DICER1: variants seen among roughly 807,000 people sequenced by gnomAD.
DICER1 encodes the protein endoribonuclease Dicer.
In DICER1, 43 loss-of-function variants were observed where a neutral mutation model predicts 194.1. That is an observed-to-expected ratio of 0.22 (90% CI 0.17 to 0.29). DICER1 has a LOEUF of 0.29. Among genes scored for constraint, DICER1 ranks in the 10% least tolerant of loss-of-function variants. The probability of loss-of-function intolerance (pLI) is 1.00; values close to 1 mark genes in which losing one functional copy is unlikely to be tolerated. For missense variants in DICER1, 1,608 were observed against 2,317.0 expected (o/e 0.69, Z 6.28); for synonymous variants, 832 against 820.5 (o/e 1.01, Z -0.24).
chr14:95,094,291 T>G, intron 23 of DICER1, 135 bp from the exon 24 acceptor site: 1 of 1,131,548 alleles, frequency 8.8e-7, no homozygotes, highest in Non-Finnish European at 1.3e-6. Context: ...AAAAAGGATA[T>G]CTGACATATC....
rs748384175 is a variant in DICER1, at chr14:95,116,695, C to T, written c.1510G>A (p.Val504Ile). The T allele has an allele frequency of 6.2e-7, 1 of 1,612,158 alleles. No individual in the cohort carries two copies. The highest frequency in any genetic ancestry group is 1.1e-5 in the South Asian group (1 of 90,878). ...MEAEFRKQEE[V>I]LRKFRAHETN... is the part of the protein sequence containing the mutation. ...TCATGTGCTCGAAATTTCCTAAGTA[C>T]CTGAAAAAAAAAATCCACCAAGAAA... The change falls in exon 10 of 27, where the codon GTA (valine) becomes ATA (isoleucine). Residue 504 changes from valine (V) to isoleucine (I), a missense_variant and splice_region_variant. Coordinates refer to ENST00000343455, the MANE Select transcript of DICER1 (RefSeq NM_177438.3).
Position 95,127,243 on chromosome 14 carries a change from C to CT in DICER1, c.735-496dup, listed in dbSNP as rs1367427183. 1.4e-4 allele frequency among the ~76,000 whole-genome samples: 22 copies of CT among 152,330 alleles called. No individual in the cohort carries two copies. The East Asian group carries it at 4.2e-3, about 29-fold the overall frequency. On this transcript the variant is annotated intron_variant, in intron 6 of 26. Transcript: ENST00000343455. Reference sequence around the variant, plus strand: ...TTTTGTTTCATTTCTAAAAAACTCACTACAGCATTATGATCCATTTATAGG... The same window carrying CT: ...TTTTGTTTCATTTCTAAAAAACTCACTTACAGCATTATGATCCATTTATAGG...
In DICER1 at chr14:95,094,204, A is replaced by G. The variant is rs763840142; in HGVS notation, c.5096-48T>C. 3.2e-5 allele frequency: 51 copies of G among 1,609,806 alleles called. No individual in the cohort carries two copies. Among genetic ancestry groups the G allele is most frequent in the Non-Finnish European group, 3.8e-5 (45 of 1,176,784 alleles). On this transcript the variant is annotated intron_variant, in intron 23 of 26. Coordinates refer to ENST00000343455, the MANE Select transcript of DICER1 (RefSeq NM_177438.3). ...CGTAAGCTTGTGCAGAAGCATTTAC[A>G]CTATCCCCACATAGCAACTGATCCC...
At chr14:95,102,256 C>T (rs9323921) in intron 21 of DICER1, among the ~76,000 whole-genome samples, 4,189 of 152,244 alleles carry the variant, frequency 0.028, 189 homozygotes, top group African/African-American at 0.095. Flanking sequence ...CCATTCTCTG[C>T]TTCTGCTGTT....
chr14:95,109,959 C>CATA (rs1323776776), intron 14 of DICER1, among the ~76,000 whole-genome samples: 1 of 152,166 alleles, frequency 6.6e-6, no homozygotes, highest in East Asian at 1.9e-4. Flanking sequence ...CTTAAACTAT[C>CATA]ATAAATATGT....
chr14:95,157,934 C>T (rs1595526836), upstream of DICER1: 1 of 152,238 alleles, frequency 6.6e-6, no homozygotes, highest in Non-Finnish European at 1.5e-5. Flanking sequence ...AAAGTACCTT[C>T]CCACTCGCCT....
At chr14:95,144,159 T>C (rs1031891140) in intron 1 of DICER1, among the ~76,000 whole-genome samples, 6 of 152,176 alleles carry the variant, frequency 3.9e-5, no homozygotes, top group African/African-American at 7.2e-5. Flanking sequence ...TACTTATATA[T>C]ACATATAAAC....
Position 95,124,742 on chromosome 14 carries a change from G to A in DICER1, c.904-74C>T. On this transcript the variant is annotated intron_variant, in intron 7 of 26. Coordinates refer to ENST00000343455, the MANE Select transcript of DICER1 (RefSeq NM_177438.3). The surrounding 1 kb of genome is among the most constrained non-coding windows in gnomAD (Gnocchi z 4.5). The stretch of plus-strand genomic sequence containing the variant: ...AGCATTTTCATGTGGGGTTTAACTG[G>A]GATTTCAGTTGTTCTCAAATGGCTC... The A allele has an allele frequency of 7.8e-7, 1 of 1,275,712 alleles. No individual in the cohort carries two copies. Among genetic ancestry groups the A allele is most frequent in the Non-Finnish European group, 1.1e-6 (1 of 884,998 alleles). The allele number at this position is 1,275,712 out of a possible 1,614,324, so 79.0% of individuals were successfully genotyped here.
chr14:95,126,779 C>A, intron 6 of DICER1, 31 bp from the exon 7 acceptor site: 1 of 1,416,844 alleles, frequency 7.1e-7, no homozygotes, highest in Non-Finnish European at 9.8e-7. Context: ...GGTATCAATA[C>A]TGCAGTAGTG....
At chr14:95,149,777 G>A (rs1895392067) in intron 1 of DICER1, among the ~76,000 whole-genome samples, 1 of 152,138 alleles carries the variant, frequency 6.6e-6, no homozygotes, top group African/African-American at 2.4e-5. Context: ...AAGCTTTATT[G>A]ATCTTAACTA....
chr14:95,155,325 C>G (rs1230211925), intron 1 of DICER1, among the ~76,000 whole-genome samples: 1 of 152,166 alleles, frequency 6.6e-6, no homozygotes, highest in African/African-American at 2.4e-5. Context: ...AGACTGTCTA[C>G]GAAATATCTA....
At chr14:95,126,109 G>A (rs1893436527) in intron 7 of DICER1, among the ~76,000 whole-genome samples, 1 of 152,152 alleles carries the variant, frequency 6.6e-6, no homozygotes, top group African/African-American at 2.4e-5. Context: ...ATTCAGTCCT[G>A]AGGACCCCAC....
At chr14:95,152,827 A>G (rs937365224) in intron 1 of DICER1, among the ~76,000 whole-genome samples, 5 of 152,250 alleles carry the variant, frequency 3.3e-5, no homozygotes, top group Middle Eastern at 3.2e-3. Context: ...CACCAGCTAC[A>G]TCTCAAAAAT....
rs556681163 is a variant in DICER1, at chr14:95,132,964, A to G, written c.145-287T>C. Among the ~76,000 whole-genome samples the G allele has an allele frequency of 2.3e-3, 352 of 152,332 alleles. 2 individuals carry two copies. Among genetic ancestry groups the G allele is most frequent in the African/African-American group, 8.2e-3 (342 of 41,572 alleles). ...ATACTTCTTTAGAATAACATGAATG[A>G]CTAAACTTAGAGTAATCGTGGTTCT... is the stretch of plus-strand genomic sequence containing the variant. On this transcript the variant is annotated intron_variant, in intron 2 of 26. Coordinates refer to ENST00000343455, the MANE Select transcript of DICER1 (RefSeq NM_177438.3).
intron 1 of DICER1, among the ~76,000 whole-genome samples, chr14:95,143,482 A>T (rs58374186): frequency 0.03 from 4,539 of 152,216 alleles, 252 homozygotes; most frequent in African/African-American, 0.1. Flanking sequence ...CCATCTCTGA[A>T]ATGGGAAATA....
intron 9 of DICER1, 116 bp downstream of exon 9, chr14:95,117,506 T>C (rs1256600346): frequency 6.3e-6 from 7 of 1,116,202 alleles, no homozygotes; most frequent in South Asian, 1.3e-5. Flanking sequence ...AAGTATTCTA[T>C]AATACAAAAA....
At position 95,099,750 on chromosome 14, in the gene DICER1, ACACACACACACACACACAC is replaced by A. The variant is rs1566761000; in HGVS notation, c.4206+11_4206+29del. On this transcript the variant is annotated intron_variant, in intron 22 of 26. Coordinates refer to ENST00000343455, the MANE Select transcript of DICER1 (RefSeq NM_177438.3). ...TCCAGTTACACACACACACACACAC[ACACACACACACACACACAC>A]ACAAACTTACCATTTCATCTTTTTC... 2 of 1,605,750 alleles carry A rather than the reference ACACACACACACACACACAC, an allele frequency of 1.2e-6. No individual in the cohort carries two copies. The highest frequency in any genetic ancestry group is 2.7e-5 in the African/African-American group (2 of 74,268).
intron 21 of DICER1, 23 bp from the exon 22 acceptor site, chr14:95,099,958 A>T (rs1890732916): frequency 1.2e-6 from 2 of 1,613,256 alleles, no homozygotes; most frequent in African/African-American, 1.3e-5. Flanking sequence ...ATATTAGGAT[A>T]CTTATCCATA....
intron 14 of DICER1, 121 bp downstream of exon 14, chr14:95,111,196 T>C: frequency 9.1e-7 from 1 of 1,104,076 alleles, no homozygotes; most frequent in Non-Finnish European, 1.4e-6. Flanking sequence ...GGAGCTGAGA[T>C]CCAGAGTGGG....
Sources: allele counts gnomAD v4.1 joint callset (sites outside exome capture counted in the v4.1 genomes callset), GRCh38; gene constraint gnomAD v4.1.1; non-coding constraint Gnocchi (gnomAD v3.1); transcripts MANE v1.5; gene names NCBI Gene and HGNC (gene_info 2026-07-23, HGNC 2026-07-21).